The following CCDC85C variants were observed in gnomAD, a reference collection of about 807,000 sequenced individuals.
CCDC85C encodes coiled-coil domain containing 85C.
Under a neutral mutation model 38.3 loss-of-function variants are expected in CCDC85C, and 18 were observed. The ratio of observed to expected loss-of-function variants is 0.47; its 90% CI spans 0.33 to 0.70. The LOEUF (loss-of-function observed/expected upper bound fraction) is 0.70. CCDC85C is among the 30% of genes least tolerant of loss of function. The pLI is 0.03. For synonymous variants in CCDC85C, 264 were observed against 293.8 expected, an observed-to-expected ratio of 0.90 and a Z score of 1.04; for missense variants, 566 against 621.2, an observed-to-expected ratio of 0.91 and a Z score of 0.94.
chr14:99,522,627 A>G, intron 2 of CCDC85C: 1 of 163,394 alleles, frequency 6.1e-6, no homozygotes, highest in South Asian at 1.7e-4. Flanking sequence ...CACCACTCAC[A>G]GGGCCTGGGC....
chr14:99,545,764 C>T lies in CCDC85C; in HGVS notation c.794-9676G>A, dbSNP rs115276076. Among the ~76,000 whole-genome samples, 1,064 of 152,264 alleles carry T rather than the reference C, an allele frequency of 7.0e-3. 7 individuals are homozygous for T. Among genetic ancestry groups the T allele is most frequent in the African/African-American group, 0.023 (960 of 41,556 alleles). Reference sequence around the variant, plus strand: ...GCTCCCAGCATCAGGCTGAAAGGTACGCCCTCCTGGCTCCTTGGAGAGCTT... The same window carrying T: ...GCTCCCAGCATCAGGCTGAAAGGTATGCCCTCCTGGCTCCTTGGAGAGCTT... On this transcript the variant is annotated intron_variant, in intron 1 of 5. Coordinates refer to ENST00000380243, the MANE Select transcript of CCDC85C (RefSeq NM_001144995.2). This position sits in a 1 kb window ranked among gnomAD's most constrained non-coding sequence, Gnocchi z 4.7.
rs1166570123 is a variant in CCDC85C at position 99,511,562 on chromosome 14, G to A, written c.*3684C>T. 6.6e-6 allele frequency: 1 copy of A among 152,478 alleles called. No homozygotes were observed. The highest frequency in any genetic ancestry group is 2.4e-5 in the African/African-American group (1 of 41,450). The allele number at this position is 152,478 out of a possible 1,614,324, so 9.4% of individuals were successfully genotyped here. ...GAAGGTGGGGCTCCAGGCCTTCGCA[G>A]TCTGTGGCTTATAAAATGTGCAGAG... On this transcript the variant is annotated 3_prime_UTR_variant, in exon 6 of 6. Coordinates refer to ENST00000380243, the MANE Select transcript of CCDC85C (RefSeq NM_001144995.2).
rs941562 is a variant in CCDC85C, at chr14:99,572,117, C to T, written c.793+31050G>A. Among the ~76,000 whole-genome samples the T allele has an allele frequency of 0.73, 111,396 of 151,906 alleles. 41,525 individuals are homozygous for T. The highest frequency in any genetic ancestry group is 0.84 in the South Asian group (4,057 of 4,812). ...AGTCTCTGGAAGGCAGCGGCAAGGG[C>T]CAGATTCCCCACATACCCTCCCAAG... On this transcript the variant is annotated intron_variant, in intron 1 of 5. Coordinates refer to ENST00000380243, the MANE Select transcript of CCDC85C (RefSeq NM_001144995.2). This position sits in a 1 kb window ranked among gnomAD's most constrained non-coding sequence, Gnocchi z 4.4.
intron 1 of CCDC85C, among the ~76,000 whole-genome samples, chr14:99,596,336 C>T (rs2055142877): frequency 6.6e-6 from 1 of 152,204 alleles, no homozygotes; most frequent in South Asian, 2.1e-4. Context: ...GGCAGAATGT[C>T]TCTGCCGTTG....
At chr14:99,526,363 A>G (rs7159517) in intron 2 of CCDC85C, among the ~76,000 whole-genome samples, 147,074 of 152,366 alleles carry the variant, frequency 0.97, 71,186 homozygotes, top group East Asian at 1. Flanking sequence ...AGCGTGTGCT[A>G]AGATGGTCTC....
At position 99,566,131 on chromosome 14, in the gene CCDC85C, C is replaced by T. The variant is rs138325451; in HGVS notation, c.794-30043G>A. Reference sequence around the variant, plus strand: ...TGCAAGGGGCTCTGTGCTCTCCCAGCCCTACGCTCCAGAATCGTACTGAAT... The same window carrying T: ...TGCAAGGGGCTCTGTGCTCTCCCAGTCCTACGCTCCAGAATCGTACTGAAT... On this transcript the variant is annotated intron_variant, in intron 1 of 5. Coordinates refer to ENST00000380243, the MANE Select transcript of CCDC85C (RefSeq NM_001144995.2). Among the ~76,000 whole-genome samples the T allele has an allele frequency of 1.9e-4, 29 of 152,330 alleles. No homozygotes were observed. The East Asian group carries it at 3.3e-3, about 17-fold the overall frequency.
rs1897295913 is a variant in CCDC85C at position 99,520,965 on chromosome 14, G to A, written c.975+1168C>T. On this transcript the variant is annotated intron_variant, in intron 3 of 5. Transcript: ENST00000380243. The surrounding 1 kb of genome is among the most constrained non-coding windows in gnomAD (Gnocchi z 4.1). ...GCCTTGAGGCTCGGCCCATGCCTGA[G>A]GTGTGCTCTCCAGAGGCCTGCAGGG... Among the ~76,000 whole-genome samples, 1 of 152,252 alleles carries A rather than the reference G, an allele frequency of 6.6e-6. No individual in the cohort carries two copies. Among genetic ancestry groups the A allele is most frequent in the Non-Finnish European group, 1.5e-5 (1 of 68,042 alleles).
chr14:99,572,753 T>C lies in CCDC85C; in HGVS notation c.793+30414A>G. Reference sequence around the variant, plus strand: ...GAAACTGTCCCATCCATGGATTTGTTTGCCAGTTTATCCATCTTCCAAAGG... The same window carrying C: ...GAAACTGTCCCATCCATGGATTTGTCTGCCAGTTTATCCATCTTCCAAAGG... On this transcript the variant is annotated intron_variant, in intron 1 of 5. Coordinates refer to ENST00000380243, the MANE Select transcript of CCDC85C (RefSeq NM_001144995.2). The surrounding 1 kb of genome is among the most constrained non-coding windows in gnomAD (Gnocchi z 4.4). 2.2e-6 allele frequency: 1 copy of C among 456,100 alleles called. No individual in the cohort carries two copies. Among genetic ancestry groups the C allele is most frequent in the South Asian group, 1.5e-5 (1 of 64,560 alleles). 28.3% of individuals were successfully genotyped at this position (456,100 alleles called of 1,614,324 possible).
chr14:99,547,637 G>A lies in CCDC85C; in HGVS notation c.794-11549C>T, dbSNP rs532343743. Among the ~76,000 whole-genome samples the A allele has an allele frequency of 2.6e-5, 4 of 152,144 alleles. No homozygotes were observed. The East Asian group carries it at 7.7e-4, about 29-fold the overall frequency. ...GAAAATACAAAAATTAGCTGGGTAT[G>A]GTGGCGGGCACCTGTAGTCCCAGCT... On this transcript the variant is annotated intron_variant, in intron 1 of 5. Transcript: ENST00000380243.
intron 3 of CCDC85C, among the ~76,000 whole-genome samples, chr14:99,521,930 G>A (rs1897308273): frequency 6.6e-6 from 1 of 152,234 alleles, no homozygotes; most frequent in Non-Finnish European, 1.5e-5. Flanking sequence ...GGCCTCTGGA[G>A]ACTGCCCCGC....
In CCDC85C at chr14:99,572,583, G is replaced by A. The variant is rs1898375656; in HGVS notation, c.793+30584C>T. On this transcript the variant is annotated intron_variant, in intron 1 of 5. Coordinates refer to ENST00000380243, the MANE Select transcript of CCDC85C (RefSeq NM_001144995.2). This position sits in a 1 kb window ranked among gnomAD's most constrained non-coding sequence, Gnocchi z 4.4. ...AGCCACAGGGCCTGGTCAGCTCCGG[G>A]AAAGCTCTGACATCTGTCCTTTGCT... is the stretch of plus-strand genomic sequence containing the variant. 1 of 432,338 alleles carries A rather than the reference G, an allele frequency of 2.3e-6. No homozygotes were observed. Among genetic ancestry groups the A allele is most frequent in the Non-Finnish European group, 4.7e-6 (1 of 213,620 alleles). The allele number at this position is 432,338 out of a possible 1,614,324, so 26.8% of individuals were successfully genotyped here. A position where few individuals can be genotyped will look rare whatever the true frequency, so the allele number is the denominator to read the frequency against.
intron 5 of CCDC85C, 93 bp from the exon 6 acceptor site, chr14:99,515,428 A>G: frequency 1.1e-6 from 1 of 892,714 alleles, no homozygotes; most frequent in Non-Finnish European, 1.8e-6. Context: ...AGAATCACCC[A>G]CGTCCTCAGA....
At position 99,510,160 on chromosome 14, in the gene CCDC85C, G is replaced by A. The variant is rs779486624; in HGVS notation, c.*5086C>T. 2.9e-5 allele frequency: 47 copies of A among 1,595,706 alleles called. No homozygotes were observed. Among genetic ancestry groups the A allele is most frequent in the African/African-American group, 5.4e-5 (4 of 74,628 alleles). On this transcript the variant is annotated 3_prime_UTR_variant, in exon 6 of 6. Coordinates refer to ENST00000380243, the MANE Select transcript of CCDC85C (RefSeq NM_001144995.2). ...CTGATGCGTCTCTCTCCTGCAGACC[G>A]GAAGCCTCCCCTCGCTGCTGCCTTA...
At position 99,604,165 on chromosome 14, in the gene CCDC85C, C is replaced by CT. The variant is rs2055247516; in HGVS notation, c.-207dup. 1 of 328,680 alleles carries CT rather than the reference C, an allele frequency of 3.0e-6. No individual in the cohort carries two copies. Among genetic ancestry groups the CT allele is most frequent in the Non-Finnish European group, 4.3e-6 (1 of 231,798 alleles). The allele number at this position is 328,680 out of a possible 1,614,324, so 20.4% of individuals were successfully genotyped here. A position where few individuals can be genotyped will look rare whatever the true frequency, so the allele number is the denominator to read the frequency against. On this transcript the variant is annotated 5_prime_UTR_variant, in exon 1 of 6. Transcript: ENST00000380243. Reference sequence around the variant, plus strand: ...CCTCGGGGTTGACGAGCGGAGGCGGCTGCTGCGTCGGCGGCCGCGGTGCCG... The same window carrying CT: ...CCTCGGGGTTGACGAGCGGAGGCGGCTTGCTGCGTCGGCGGCCGCGGTGCCG...
chr14:99,502,394 C>A lies in CCDC85C; in HGVS notation c.*12852G>T, dbSNP rs749455377. The A allele has an allele frequency of 1.9e-6, 3 of 1,610,772 alleles. No homozygotes were observed. The highest frequency in any genetic ancestry group is 2.5e-6 in the Non-Finnish European group (3 of 1,178,150). On this transcript the variant is annotated 3_prime_UTR_variant, in exon 6 of 6. Coordinates refer to ENST00000380243, the MANE Select transcript of CCDC85C (RefSeq NM_001144995.2). ...TTTGGAAGGTACCAGGCATGCTAAG[C>A]GTTCTCGTGAGGGTGTTCCATGTTG...
rs1406333710 is a variant in CCDC85C at position 99,509,804 on chromosome 14, T to C, written c.*5442A>G. 8.9e-6 allele frequency: 3 copies of C among 337,502 alleles called. No individual in the cohort carries two copies. The highest frequency in any genetic ancestry group is 1.6e-5 in the Non-Finnish European group (3 of 183,868). The allele number at this position is 337,502 out of a possible 1,614,324, so 20.9% of individuals were successfully genotyped here. A position where few individuals can be genotyped will look rare whatever the true frequency, so the allele number is the denominator to read the frequency against. ...GGCCCTGACCCCTGGGGTCAGTTTC[T>C]GAAGGCAGAAAAACAGAGGAGCCCC... On this transcript the variant is annotated 3_prime_UTR_variant, in exon 6 of 6. Transcript: ENST00000380243.
Position 99,502,041 on chromosome 14 carries a change from G to A in CCDC85C, c.*13205C>T. On this transcript the variant is annotated 3_prime_UTR_variant, in exon 6 of 6. Coordinates refer to ENST00000380243, the MANE Select transcript of CCDC85C (RefSeq NM_001144995.2). ...TAACTATGGTTAAAGTAACTTAGTC[G>A]GGTACCTTTAGAAGAGTAAAGACTT... 1.0e-5 allele frequency: 7 copies of A among 677,558 alleles called. No homozygotes were observed. Among genetic ancestry groups the A allele is most frequent in the East Asian group, 3.3e-5 (1 of 30,260 alleles). The allele number at this position is 677,558 out of a possible 1,614,324, so 42.0% of individuals were successfully genotyped here.
intron 1 of CCDC85C, among the ~76,000 whole-genome samples, chr14:99,540,134 G>A (rs1897683261): frequency 6.8e-6 from 1 of 146,000 alleles, no homozygotes; most frequent in African/African-American, 2.5e-5. Context: ...GCGACAGAGC[G>A]AGACTGTCTT....
At chr14:99,582,894 G>T (rs926847223) in intron 1 of CCDC85C, 1 of 152,186 alleles carries the variant, frequency 6.6e-6, no homozygotes, top group Non-Finnish European at 1.5e-5. Context: ...ATCAATACAG[G>T]TTCATTCATT....
Sources: allele counts gnomAD v4.1 joint callset (sites outside exome capture counted in the v4.1 genomes callset), GRCh38; gene constraint gnomAD v4.1.1; non-coding constraint Gnocchi (gnomAD v3.1); transcripts MANE v1.5; gene names NCBI Gene and HGNC (gene_info 2026-07-23, HGNC 2026-07-21).